RNF213: variants seen among roughly 807,000 people sequenced by gnomAD.
RNF213 encodes E3 ubiquitin-protein ligase RNF213.
In RNF213, 341 loss-of-function variants were observed where a neutral mutation model predicts 514.4. The ratio of observed to expected loss-of-function variants is 0.66; its 90% CI spans 0.61 to 0.73. RNF213 has a LOEUF of 0.73. Among genes scored for constraint, RNF213 ranks in the 30% least tolerant of loss-of-function variants. RNF213 has a pLI of 0.00. For synonymous variants in RNF213, 2,655 were observed against 2,658.2 expected (o/e 1.00, Z 0.04); for missense variants, 5,767 against 6,615.6 (o/e 0.87, Z 4.45).
Position 80,353,712 on chromosome 17 carries a change from T to C in RNF213, c.10578+46T>C, listed in dbSNP as rs1419295951. ...CCTCCCCTTGTGCTGCTGGTGATGCTTCTGAGCTGCATCTTTAAACGCTTT... is the reference window on the plus strand; with the variant it reads ...CCTCCCCTTGTGCTGCTGGTGATGCCTCTGAGCTGCATCTTTAAACGCTTT... On this transcript the variant is annotated intron_variant, in intron 34 of 67. Transcript: ENST00000582970. This position sits in a 1 kb window ranked among gnomAD's most constrained non-coding sequence, Gnocchi z 5.0. 1.9e-6 allele frequency: 3 copies of C among 1,612,714 alleles called. No individual in the cohort carries two copies. The highest frequency in any genetic ancestry group is 2.7e-5 in the African/African-American group (2 of 74,878).
Position 80,328,007 on chromosome 17 carries a change from ACG to A in RNF213, c.3367+20_3367+21del. On this transcript the variant is annotated intron_variant, in intron 19 of 67. Transcript: ENST00000582970. ...GCAACTGAGTAAGCATCGAGTCGATACGCACTTCAGGCTCCTGAGGCATTAAG... is the reference window on the plus strand; with the variant it reads ...GCAACTGAGTAAGCATCGAGTCGATACACTTCAGGCTCCTGAGGCATTAAG... The A allele has an allele frequency of 6.5e-7, 1 of 1,537,074 alleles. No homozygotes were observed. The highest frequency in any genetic ancestry group is 8.7e-7 in the Non-Finnish European group (1 of 1,146,730).
chr17:80,386,814 C>G lies in RNF213; in HGVS notation c.14845C>G (p.Gln4949Glu). 6.2e-7 allele frequency: 1 copy of G among 1,614,226 alleles called. No homozygotes were observed. ...YQVEEGRETV[Q>E]EFDLEKIQRQ... ...GGTGGAGGAGGGCAGAGAGACCGTGCAGGAGTTCGATCTGGAGAAGATTCA... is the reference window on the plus strand; with the variant it reads ...GGTGGAGGAGGGCAGAGAGACCGTGGAGGAGTTCGATCTGGAGAAGATTCA... The change falls in exon 63 of 68, where the codon CAG (glutamine) becomes GAG (glutamate). Residue 4949 changes from glutamine to glutamate, a missense_variant. By Grantham distance (29) the Gln-to-Glu change is conservative. Around this residue, in one of 13 missense-constraint regions of RNF213, gnomAD observed 1,245 missense variants for 1,339.0 expected, o/e 0.93. Coordinates refer to ENST00000582970, the MANE Select transcript of RNF213 (RefSeq NM_001256071.3).
intron 43 of RNF213, 35 bp from the exon 44 acceptor site, chr17:80,367,926 C>G (rs1204905542): frequency 1.9e-6 from 3 of 1,614,152 alleles, no homozygotes; most frequent in East Asian, 2.2e-5. Flanking sequence ...GCCAGTTTCT[C>G]TGCTTCAGAA....
chr17:80,364,001 CAG>C (rs1372076673), intron 41 of RNF213, among the ~76,000 whole-genome samples: 1 of 152,206 alleles, frequency 6.6e-6, no homozygotes, highest in Admixed American at 6.5e-5. Context: ...GCTGTGCATT[CAG>C]GGAGCGCACT....
Position 80,363,606 on chromosome 17 carries a change from C to A in RNF213, c.11569-3C>A. On this transcript the variant is annotated splice_region_variant and splice_polypyrimidine_tract_variant and intron_variant, in intron 40 of 67. Coordinates refer to ENST00000582970, the MANE Select transcript of RNF213 (RefSeq NM_001256071.3). Reference sequence around the variant, plus strand: ...AGCCACGCCCTGCTGTCCGTCTCCCCAGACCCTGGACGCATTTGCCGCAAT... The same window carrying A: ...AGCCACGCCCTGCTGTCCGTCTCCCAAGACCCTGGACGCATTTGCCGCAAT... The A allele has an allele frequency of 6.2e-7, 1 of 1,613,432 alleles. No homozygotes were observed. The highest frequency in any genetic ancestry group is 2.2e-5 in the East Asian group (1 of 44,880).
chr17:80,361,773 C>G lies in RNF213; in HGVS notation c.11240C>G (p.Pro3747Arg). 1 of 1,614,048 alleles carries G rather than the reference C, an allele frequency of 6.2e-7. No individual in the cohort carries two copies. The highest frequency in any genetic ancestry group is 2.2e-5 in the East Asian group (1 of 44,882). ...TTCGTGGACATCTTTCAGCAGACTCCTCTGGGCAGGTTTCTTGCCCAGCTC... is the reference window on the plus strand; with the variant it reads ...TTCGTGGACATCTTTCAGCAGACTCGTCTGGGCAGGTTTCTTGCCCAGCTC... ...KKFVDIFQQT[P>R]LGRFLAQLHG... Residue 3747 changes from proline to arginine, a missense_variant, in exon 39 of 68, where the codon CCT (proline) becomes CGT (arginine). Transcript: ENST00000582970.
intron 56 of RNF213, 116 bp downstream of exon 56, chr17:80,381,103 G>A (rs2079981633): frequency 9.4e-7 from 1 of 1,061,552 alleles, no homozygotes; most frequent in Admixed American, 1.7e-5. Context: ...GAGATAATTA[G>A]TCTACAAAGT....
At position 80,360,359 on chromosome 17, in the gene RNF213, G is replaced by A. The variant is rs185679324; in HGVS notation, c.11200+153G>A. The stretch of plus-strand genomic sequence containing the variant: ...TTTGTGCAGTAAGCGTCCAATTTAC[G>A]TCACCGCGTCATTTTAAAGTTTCTG... On this transcript the variant is annotated intron_variant, in intron 38 of 67. Coordinates refer to ENST00000582970, the MANE Select transcript of RNF213 (RefSeq NM_001256071.3). The A allele has an allele frequency of 2.0e-3, 1,657 of 825,092 alleles. 10 individuals are homozygous for A. The highest frequency in any genetic ancestry group is 2.7e-3 in the Non-Finnish European group (1,368 of 504,600). 51.1% of individuals were successfully genotyped at this position (825,092 alleles called of 1,614,324 possible). A position where few individuals can be genotyped will look rare whatever the true frequency, so the allele number is the denominator to read the frequency against.
Position 80,339,544 on chromosome 17 carries a change from T to A in RNF213, c.5177T>A (p.Leu1726Gln), listed in dbSNP as rs1259272472. Residue 1726 changes from leucine to glutamine, a missense_variant, in exon 26 of 68, where the codon CTA becomes CAA. Physicochemically the swap from Leu to Gln is moderately radical, Grantham distance 113. Transcript: ENST00000582970. ...AAGCAGCCCCCGAGTGATGCCGCCC[T>A]AACGATGCTATCCTTCATCAAAAGC... ...LRKQPPSDAA[L>Q]TMLSFIKSNC... is the part of the protein sequence containing the mutation. The A allele has an allele frequency of 6.5e-7, 1 of 1,537,190 alleles. No homozygotes were observed. Among genetic ancestry groups the A allele is most frequent in the East Asian group, 2.4e-5 (1 of 40,904 alleles).
rs1020217040 is a variant in RNF213 at position 80,340,052 on chromosome 17, G to A, written c.5685G>A (p.Leu1895=). ...TGGGGCACAAGGTCTACAGCCTGCTGTTCGCAGATCAGCTGAGCTACGAGG... is the reference window on the plus strand; with the variant it reads ...TGGGGCACAAGGTCTACAGCCTGCTATTCGCAGATCAGCTGAGCTACGAGG... ...GSLGHKVYSL[L]FADQLSYEVA... is the part of the protein sequence containing the mutation. Residue 1895 remains leucine, a synonymous_variant, in exon 26 of 68, where the codon CTG becomes CTA. Coordinates refer to ENST00000582970, the MANE Select transcript of RNF213 (RefSeq NM_001256071.3). 1 of 1,565,222 alleles carries A rather than the reference G, an allele frequency of 6.4e-7. No individual in the cohort carries two copies. Among genetic ancestry groups the A allele is most frequent in the Non-Finnish European group, 8.6e-7 (1 of 1,159,534 alleles).
chr17:80,268,980 C>A (rs113809573), intron 2 of RNF213, among the ~76,000 whole-genome samples: 1 of 152,208 alleles, frequency 6.6e-6, no homozygotes, highest in Non-Finnish European at 1.5e-5. Context: ...GACCCGAGAT[C>A]CCCCTGGCAA....
At position 80,306,407 on chromosome 17, in the gene RNF213, T is replaced by G; in HGVS notation, c.2366T>G (p.Leu789Arg). 6.2e-7 allele frequency: 1 copy of G among 1,614,198 alleles called. No homozygotes were observed. The highest frequency in any genetic ancestry group is 8.5e-7 in the Non-Finnish European group (1 of 1,180,028). Residue 789 changes from leucine to arginine, a missense_variant, in exon 12 of 68, where the codon CTG (leucine) becomes CGG (arginine). Transcript: ENST00000582970. ...EHLGRFPAHILDCLSGIYYRL... is the reference protein window; with the variant it reads ...EHLGRFPAHIRDCLSGIYYRL... ...CTGGGTCGTTTTCCTGCTCATATCCTGGACTGTCTTTCAGGGATTTACTAC... is the reference window on the plus strand; with the variant it reads ...CTGGGTCGTTTTCCTGCTCATATCCGGGACTGTCTTTCAGGGATTTACTAC...
At chr17:80,331,975 G>C in intron 20 of RNF213, 31 bp from the exon 21 acceptor site, 1 of 1,521,510 alleles carries the variant, frequency 6.6e-7, no homozygotes, top group Non-Finnish European at 8.8e-7. Context: ...TTAGAGCTTT[G>C]ACTTCTGACA....
At chr17:80,344,135 TG>T in intron 28 of RNF213, 120 bp downstream of exon 28, 1 of 1,017,308 alleles carries the variant, frequency 9.8e-7, no homozygotes, top group East Asian at 2.5e-5. Context: ...GTGCAGCAGC[TG>T]AATGCAGTGT....
Position 80,363,200 on chromosome 17 carries a change from C to T in RNF213, c.11454C>T (p.Tyr3818=). 6.2e-7 allele frequency: 1 copy of T among 1,614,234 alleles called. No homozygotes were observed. The highest frequency in any genetic ancestry group is 8.5e-7 in the Non-Finnish European group (1 of 1,180,040). The change falls in exon 40 of 68, where the codon TAC becomes TAT. Residue 3818 remains tyrosine (Y), a synonymous_variant. Coordinates refer to ENST00000582970, the MANE Select transcript of RNF213 (RefSeq NM_001256071.3). The part of the protein sequence containing the change: ...EVSLPWVHLA[Y]QRFRSRLQNF... ...CCTTACCGTGGGTGCACCTTGCCTA[C>T]CAGCGTTTCAGAAGCCGTCTGCAGA...
chr17:80,304,652 AAATAAAT>A (rs1291433850), intron 11 of RNF213, among the ~76,000 whole-genome samples: 4 of 146,192 alleles, frequency 2.7e-5, no homozygotes, highest in Non-Finnish European at 6.1e-5. Flanking sequence ...ATAAATAAAT[AAATAAAT>A]AATAATAATA....
chr17:80,350,059 T>C (rs1397460484), intron 30 of RNF213, among the ~76,000 whole-genome samples, 153 bp downstream of exon 30: 1 of 152,048 alleles, frequency 6.6e-6, no homozygotes, highest in Non-Finnish European at 1.5e-5. Context: ...ATCCCTCTCA[T>C]CTCCATCATC....
rs748611334 is a variant in RNF213 at position 80,295,606 on chromosome 17, C to A, written c.1805C>A (p.Pro602Gln). The A allele has an allele frequency of 1.7e-5, 28 of 1,614,102 alleles. 1 individual carries two copies. The South Asian group carries it at 2.5e-4, about 15-fold the overall frequency. ...CTGAAAAAACACGTGGTACCATTGC[C>A]GGACGGAAAAAGCACGGACTTTTTG... ...QHLKKHVVPL[P>Q]DGKSTDFLPV... is the part of the protein sequence containing the mutation. The change falls in exon 10 of 68, where the codon CCG becomes CAG. Residue 602 changes from proline to glutamine, a missense_variant. By Grantham distance (76) the Pro-to-Gln change is moderately conservative. Transcript: ENST00000582970.
At position 80,295,593 on chromosome 17, in the gene RNF213, G is replaced by A. The variant is rs2044907799; in HGVS notation, c.1792G>A (p.Val598Met). Reference sequence around the variant, plus strand: ...CCTGTGGCAACATCTGAAAAAACACGTGGTACCATTGCCGGACGGAAAAAG... The same window carrying A: ...CCTGTGGCAACATCTGAAAAAACACATGGTACCATTGCCGGACGGAAAAAG... Reference protein sequence around the residue: ...RYLWQHLKKHVVPLPDGKSTD... With the variant: ...RYLWQHLKKHMVPLPDGKSTD... The change falls in exon 10 of 68, where the codon GTG becomes ATG. Residue 598 changes from valine to methionine, a missense_variant. Physicochemically the swap from Val to Met is conservative, Grantham distance 21 (BLOSUM62 1). This residue lies in a region of RNF213 where 592 missense variants were observed against 673.9 expected (regional missense o/e 0.88). Coordinates refer to ENST00000582970, the MANE Select transcript of RNF213 (RefSeq NM_001256071.3). The A allele has an allele frequency of 1.2e-6, 2 of 1,614,160 alleles. No homozygotes were observed. Among genetic ancestry groups the A allele is most frequent in the Non-Finnish European group, 1.7e-6 (2 of 1,180,024 alleles).
Sources: gnomAD v4.1 joint callset for allele counts (sites outside exome capture counted in the v4.1 genomes callset) on GRCh38, gnomAD v4.1.1 for gene constraint, gnomAD v4.1.1 regional missense constraint, Gnocchi (gnomAD v3.1) non-coding constraint, MANE v1.5 for transcripts, NCBI Gene and HGNC (gene_info 2026-07-23, HGNC 2026-07-21) for gene names.